Variants in PRKN observed in about 807,000 individuals in gnomAD.
The protein encoded by PRKN is E3 ubiquitin-protein ligase parkin.
In PRKN, 56 loss-of-function variants were observed where a neutral mutation model predicts 59.5. The observed-to-expected ratio is 0.94, with a 90% CI of 0.76 to 1.18. The LOEUF (loss-of-function observed/expected upper bound fraction) is 1.18, where lower values mean the gene tolerates loss of function less well. Ranked by LOEUF, PRKN falls within the 50% of genes most tolerant of loss-of-function variation. PRKN has a pLI of 0.00. For synonymous variants in PRKN, 250 were observed against 222.1 expected (o/e 1.13, Z -1.12); for missense variants, 657 against 596.4 (o/e 1.10, Z -1.06).
At chr6:161,572,852 T>C (rs1196188194) in intron 7 of PRKN, among the ~76,000 whole-genome samples, 1 of 152,128 alleles carries the variant, frequency 6.6e-6, no homozygotes, top group Non-Finnish European at 1.5e-5. Flanking sequence ...AGATTCTTTT[T>C]GAGAAGTTGT....
chr6:162,693,995 C>A (rs1467798768), intron 1 of PRKN, among the ~76,000 whole-genome samples: 4 of 152,044 alleles, frequency 2.6e-5, no homozygotes, highest in Admixed American at 1.3e-4. Context: ...TGCCTGTAAT[C>A]CCAACACTTT....
At chr6:162,351,714 C>T in intron 2 of PRKN, among the ~76,000 whole-genome samples, 1 of 152,042 alleles carries the variant, frequency 6.6e-6, no homozygotes, top group Non-Finnish European at 1.5e-5. Flanking sequence ...AAATAATATT[C>T]AGCAATAAAA....
chr6:162,596,957 G>C (rs904262013), intron 1 of PRKN, among the ~76,000 whole-genome samples: 3 of 152,150 alleles, frequency 2.0e-5, no homozygotes, highest in Admixed American at 6.5e-5. Flanking sequence ...CACTATACTA[G>C]TTCCGGGTTT....
At chr6:161,989,886 A>C (rs935559067) in intron 5 of PRKN, among the ~76,000 whole-genome samples, 13 of 152,100 alleles carry the variant, frequency 8.5e-5, no homozygotes, top group African/African-American at 3.1e-4. Context: ...GGATGGGCCC[A>C]CTCAGCCGGC....
At chr6:161,686,386 C>A (rs1785554944) in intron 7 of PRKN, among the ~76,000 whole-genome samples, 1 of 152,160 alleles carries the variant, frequency 6.6e-6, no homozygotes, top group South Asian at 2.1e-4. Context: ...ATGTTTACAT[C>A]CTACTTATCT....
intron 4 of PRKN, among the ~76,000 whole-genome samples, chr6:162,161,118 C>T (rs1782739763): frequency 6.6e-6 from 1 of 152,140 alleles, no homozygotes; most frequent in Admixed American, 6.5e-5. Flanking sequence ...TCTAAGAACA[C>T]TGGATGAGAA....
chr6:162,095,232 G>T (rs547980587), intron 4 of PRKN, among the ~76,000 whole-genome samples: 3 of 152,106 alleles, frequency 2.0e-5, no homozygotes, highest in Non-Finnish European at 2.9e-5. Context: ...TAAGGTCCTG[G>T]TCACAAATAT....
intron 1 of PRKN, among the ~76,000 whole-genome samples, chr6:162,645,464 T>A (rs992283458): frequency 6.6e-6 from 1 of 152,064 alleles, no homozygotes; most frequent in African/African-American, 2.4e-5. Flanking sequence ...ATAAAAGAGG[T>A]CAATTGCAGC....
chr6:161,368,653 T>G, intron 10 of PRKN, among the ~76,000 whole-genome samples: 2 of 147,156 alleles, frequency 1.4e-5, no homozygotes, highest in East Asian at 2.0e-4. Context: ...CTCACTGCAG[T>G]GGCTCACCTG....
intron 9 of PRKN, among the ~76,000 whole-genome samples, chr6:161,515,688 CT>C (rs2115343680): frequency 6.6e-6 from 1 of 152,286 alleles, no homozygotes; most frequent in African/African-American, 2.4e-5. Context: ...ATTTTCAGTG[CT>C]TCTTGACTTC....
intron 3 of PRKN, among the ~76,000 whole-genome samples, chr6:162,224,764 G>T (rs1250976986): frequency 1.3e-5 from 2 of 152,058 alleles, no homozygotes; most frequent in Admixed American, 1.3e-4. Context: ...AGTATTATAC[G>T]CCCTAGGGAG....
chr6:162,400,457 C>CAAAAAAAAAAAAAAAAAAAAAAAAAA (rs3081908), intron 2 of PRKN, among the ~76,000 whole-genome samples: 1 of 98,662 alleles, frequency 1.0e-5, no homozygotes, highest in Non-Finnish European at 2.0e-5. Flanking sequence ...ATGTAAATAT[C>CAAAAAAAAAAAAAAAAAAAAAAAAAA]AAAAAAAAAA....
intron 6 of PRKN, among the ~76,000 whole-genome samples, chr6:161,801,967 A>T (rs1791101214): frequency 6.6e-6 from 1 of 152,208 alleles, no homozygotes; most frequent in Non-Finnish European, 1.5e-5. Context: ...AAGGCAGAGA[A>T]AGTTTCTCCT....
At chr6:162,162,965 G>C (rs1232971147) in intron 4 of PRKN, among the ~76,000 whole-genome samples, 2 of 148,878 alleles carry the variant, frequency 1.3e-5, no homozygotes, top group African/African-American at 5.1e-5. Flanking sequence ...CCGAGATCGT[G>C]CCACTGTACT....
chr6:162,709,098 C>G (rs1343873569), intron 1 of PRKN, among the ~76,000 whole-genome samples: 1 of 152,096 alleles, frequency 6.6e-6, no homozygotes, highest in African/African-American at 2.4e-5. Context: ...CTCCCATCAC[C>G]TCCAGATGGG....
At chr6:162,640,587 C>T (rs745362104) in intron 1 of PRKN, among the ~76,000 whole-genome samples, 3 of 152,170 alleles carry the variant, frequency 2.0e-5, no homozygotes, top group African/African-American at 4.8e-5. Context: ...AAACAAATAA[C>T]CACAATTAAA....
Position 161,462,260 on chromosome 6 carries a change from C to G in PRKN, c.1084-75383G>C. ...AAAAGTGAGCCTGAATCATTTACAT[C>G]TAACAATGTTATCTAGACAGCATGC... On this transcript the variant is annotated intron_variant, in intron 9 of 11. Coordinates refer to ENST00000366898, the MANE Select transcript of PRKN (RefSeq NM_004562.3). The surrounding 1 kb of genome is among the most constrained non-coding windows in gnomAD (Gnocchi z 4.5). Among the ~76,000 whole-genome samples the G allele has an allele frequency of 6.6e-6, 1 of 152,214 alleles. No homozygotes were observed. The highest frequency in any genetic ancestry group is 2.1e-4 in the South Asian group (1 of 4,832).
chr6:162,409,464 C>A (rs1270764351), intron 2 of PRKN, among the ~76,000 whole-genome samples: 1 of 152,046 alleles, frequency 6.6e-6, no homozygotes, highest in Non-Finnish European at 1.5e-5. Context: ...GACCCCTCTC[C>A]CTTTTCTGTA....
intron 1 of PRKN, among the ~76,000 whole-genome samples, chr6:162,714,136 G>A (rs554787027): frequency 9.7e-4 from 147 of 152,194 alleles, no homozygotes; most frequent in African/African-American, 3.0e-3. Context: ...TGAGGCTGTC[G>A]GCATGTCCCG....
Sources: gnomAD v4.1 joint callset for allele counts (sites outside exome capture counted in the v4.1 genomes callset) on GRCh38, gnomAD v4.1.1 for gene constraint, Gnocchi (gnomAD v3.1) non-coding constraint, MANE v1.5 for transcripts, NCBI Gene and HGNC (gene_info 2026-07-23, HGNC 2026-07-21) for gene names.